CLSTN2: variants seen among roughly 807,000 people sequenced by gnomAD.
CLSTN2 encodes the protein calsyntenin 2.
Under a neutral mutation model 101.2 loss-of-function variants are expected in CLSTN2, and 48 were observed. The ratio of observed to expected loss-of-function variants is 0.47; its 90% CI spans 0.38 to 0.60. The LOEUF is 0.60. Ranked by LOEUF, CLSTN2 falls within the 20% of genes least tolerant of loss-of-function variation. The pLI is 0.00. For synonymous variants in CLSTN2, 481 were observed against 463.6 expected, an observed-to-expected ratio of 1.04 and a Z score of -0.48; for missense variants, 1,160 against 1,238.2, an observed-to-expected ratio of 0.94 and a Z score of 0.95.
intron 2 of CLSTN2, among the ~76,000 whole-genome samples, chr3:140,185,669 A>T (rs2010475710): frequency 6.6e-6 from 1 of 150,824 alleles, no homozygotes; most frequent in Non-Finnish European, 1.5e-5. Flanking sequence ...GGTTAAAAGG[A>T]TGGGGGTGCA....
intron 2 of CLSTN2, among the ~76,000 whole-genome samples, chr3:140,367,512 A>C (rs1351924086): frequency 6.2e-5 from 1 of 16,248 alleles, no homozygotes; most frequent in Non-Finnish European, 1.7e-4. Flanking sequence ...ACTTTGTCTC[A>C]AAAAAAAAAA....
chr3:140,199,755 A>G (rs1331390419), intron 2 of CLSTN2, among the ~76,000 whole-genome samples: 1 of 152,212 alleles, frequency 6.6e-6, no homozygotes, highest in East Asian at 1.9e-4. Flanking sequence ...TAAGCACCCC[A>G]GTTGAATCTG....
intron 1 of CLSTN2, among the ~76,000 whole-genome samples, chr3:140,045,691 G>A (rs959137266): frequency 2.6e-5 from 4 of 152,194 alleles, no homozygotes; most frequent in Admixed American, 6.5e-5. Context: ...TGCTTTAAAT[G>A]TGTCCCAGAG....
intron 1 of CLSTN2, among the ~76,000 whole-genome samples, chr3:140,025,367 G>A (rs886909271): frequency 6.6e-5 from 10 of 152,212 alleles, no homozygotes; most frequent in Non-Finnish European, 1.5e-4. Flanking sequence ...CAAGAGCAGA[G>A]TTCTGGGGGC....
intron 15 of CLSTN2, 31 bp downstream of exon 15, chr3:140,563,234 A>T (rs752377931): frequency 6.2e-7 from 1 of 1,608,122 alleles, no homozygotes; most frequent in South Asian, 1.1e-5. Context: ...GACCCTCAGG[A>T]CACAGGTCGT....
chr3:140,058,703 C>T (rs2008142485), intron 1 of CLSTN2, among the ~76,000 whole-genome samples: 1 of 150,958 alleles, frequency 6.6e-6, no homozygotes, highest in South Asian at 2.1e-4. Context: ...GGGAGATATG[C>T]AAAATTTTGT....
chr3:140,566,495 A>C lies in CLSTN2; in HGVS notation c.*242A>C. The C allele has an allele frequency of 3.8e-6, 2 of 528,420 alleles. No individual in the cohort carries two copies. Among genetic ancestry groups the C allele is most frequent in the Non-Finnish European group, 6.8e-6 (2 of 294,514 alleles). The allele number at this position is 528,420 out of a possible 1,614,324, so 32.7% of individuals were successfully genotyped here. A position where few individuals can be genotyped will look rare whatever the true frequency, so the allele number is the denominator to read the frequency against. ...GGGTAGACTTTGTCCTGTAGCCTCC[A>C]CTTCTGCCCTAAGTTCCCCAGCATC... On this transcript the variant is annotated 3_prime_UTR_variant, in exon 17 of 17. Coordinates refer to ENST00000458420, the MANE Select transcript of CLSTN2 (RefSeq NM_022131.3).
At chr3:140,112,541 C>T (rs1467641467) in intron 1 of CLSTN2, among the ~76,000 whole-genome samples, 2 of 152,152 alleles carry the variant, frequency 1.3e-5, no homozygotes, top group South Asian at 2.1e-4. Context: ...ACATTATACA[C>T]GATGCCATGA....
intron 2 of CLSTN2, among the ~76,000 whole-genome samples, chr3:140,386,623 T>C (rs2088054485): frequency 6.6e-6 from 1 of 152,050 alleles, no homozygotes; most frequent in Non-Finnish European, 1.5e-5. Context: ...TCTCTGGGTG[T>C]GAGAACAAGC....
intron 5 of CLSTN2, among the ~76,000 whole-genome samples, chr3:140,441,367 A>G (rs1217572221): frequency 3.9e-5 from 6 of 152,220 alleles, no homozygotes; most frequent in African/African-American, 9.6e-5. Context: ...TGTGACAAGG[A>G]ACCAAAATTT....
intron 2 of CLSTN2, among the ~76,000 whole-genome samples, chr3:140,239,836 GA>G (rs1019870888): frequency 2.6e-5 from 4 of 151,454 alleles, no homozygotes; most frequent in African/African-American, 9.7e-5. Flanking sequence ...GATAAAATAT[GA>G]AAAAATATAC....
intron 1 of CLSTN2, among the ~76,000 whole-genome samples, chr3:139,980,956 CT>C (rs1643573755): frequency 6.6e-6 from 1 of 152,094 alleles, no homozygotes; most frequent in Non-Finnish European, 1.5e-5. Context: ...CTTCTTCTTT[CT>C]TTCTTGTAAC....
intron 1 of CLSTN2, among the ~76,000 whole-genome samples, chr3:140,115,613 C>T (rs1324481773): frequency 6.6e-6 from 1 of 152,214 alleles, no homozygotes; most frequent in Non-Finnish European, 1.5e-5. Context: ...CCTCTGATCT[C>T]TGCCCCTCAG....
At chr3:140,288,668 G>T (rs1274990641) in intron 2 of CLSTN2, among the ~76,000 whole-genome samples, 1 of 152,112 alleles carries the variant, frequency 6.6e-6, no homozygotes, top group Non-Finnish European at 1.5e-5. Context: ...AGCATCTCCT[G>T]CTTCCCACCA....
chr3:140,331,810 C>T (rs2087386108), intron 2 of CLSTN2, among the ~76,000 whole-genome samples: 1 of 152,194 alleles, frequency 6.6e-6, no homozygotes, highest in African/African-American at 2.4e-5. Context: ...ATTCTTCTTC[C>T]TGTAAGGTGC....
At position 140,566,992 on chromosome 3, in the gene CLSTN2, G is replaced by A. The variant is rs538819811; in HGVS notation, c.*739G>A. On this transcript the variant is annotated 3_prime_UTR_variant, in exon 17 of 17. Coordinates refer to ENST00000458420, the MANE Select transcript of CLSTN2 (RefSeq NM_022131.3). ...CTGTCTGGGCACCTGCTGCAACCAT[G>A]CAGCTACCCTGCCAGGGGCACTCAG... is the stretch of plus-strand genomic sequence containing the variant. 6.5e-6 allele frequency: 1 copy of A among 152,708 alleles called. No homozygotes were observed. The highest frequency in any genetic ancestry group is 2.1e-4 in the South Asian group (1 of 4,832). The allele number at this position is 152,708 out of a possible 1,614,324, so 9.5% of individuals were successfully genotyped here.
At chr3:140,204,860 C>T (rs965762364) in intron 2 of CLSTN2, among the ~76,000 whole-genome samples, 5 of 152,142 alleles carry the variant, frequency 3.3e-5, no homozygotes, top group African/African-American at 7.2e-5. Context: ...CTGTCTGTCC[C>T]GCTGTCCCCC....
intron 9 of CLSTN2, among the ~76,000 whole-genome samples, chr3:140,533,430 C>G (rs1935299360): frequency 6.6e-6 from 1 of 152,170 alleles, no homozygotes; most frequent in Non-Finnish European, 1.5e-5. Context: ...AATATGCCGG[C>G]CGTGCACAGT....
At chr3:140,476,995 C>G (rs1934002516) in intron 8 of CLSTN2, among the ~76,000 whole-genome samples, 1 of 152,142 alleles carries the variant, frequency 6.6e-6, no homozygotes, top group Admixed American at 6.6e-5. Context: ...TCACCTCGCT[C>G]CTGAGGCAAG....
Sources: gnomAD v4.1 joint callset for allele counts (sites outside exome capture counted in the v4.1 genomes callset) on GRCh38, gnomAD v4.1.1 for gene constraint, MANE v1.5 for transcripts, NCBI Gene and HGNC (gene_info 2026-07-23, HGNC 2026-07-21) for gene names.